Variants in TAF13 observed in about 807,000 individuals in gnomAD.
TAF13 encodes the protein TATA-box binding protein associated factor 13.
A neutral mutation model predicts 18.7 loss-of-function variants in TAF13; 9 were observed. The observed-to-expected ratio is 0.48, with a 90% CI of 0.29 to 0.84. The LOEUF is 0.84. Among genes scored for constraint, TAF13 ranks in the 40% least tolerant of loss-of-function variants. The pLI is 0.08. For missense variants in TAF13, 105 were observed against 146.5 expected (o/e 0.72, Z 1.46); for synonymous variants, 49 against 44.1 (o/e 1.11, Z -0.44).
At chr1:109,073,401 C>T (rs981980784) in intron 2 of TAF13, among the ~76,000 whole-genome samples, 1 of 152,028 alleles carries the variant, frequency 6.6e-6, no homozygotes, top group Non-Finnish European at 1.5e-5. Context: ...GCTCTCCCTC[C>T]CCCTCCCCCT....
At position 109,064,616 on chromosome 1, in the gene TAF13, TG is replaced by T; in HGVS notation, c.281del (p.Pro94GlnfsTer13). On this transcript the variant is annotated frameshift_variant, in exon 4 of 4. Coordinates refer to ENST00000338366, the MANE Select transcript of TAF13 (RefSeq NM_005645.4). LOFTEE classifies it high-confidence loss of function. Reference protein sequence around the residue: ...EDIVFLIRKDPRKFARVKDLL... With the variant: ...EDIVFLIRKDXRKFARVKDLL... ...AGTCTTTAACCCTGGCAAACTTCCT[TG>T]GGTCCTTTCGAATCAAGAAGACGAT... is the stretch of plus-strand genomic sequence containing the variant. 1 of 1,584,570 alleles carries T rather than the reference TG, an allele frequency of 6.3e-7. No homozygotes were observed. Among genetic ancestry groups the T allele is most frequent in the South Asian group, 1.2e-5 (1 of 85,622 alleles).
At chr1:109,067,566 C>T (rs1195773572) in intron 2 of TAF13, among the ~76,000 whole-genome samples, 1 of 151,936 alleles carries the variant, frequency 6.6e-6, no homozygotes, top group African/African-American at 2.4e-5. Flanking sequence ...GCTGAGAATG[C>T]GCCACTGCAC....
In TAF13 at chr1:109,071,854, A is replaced by G. The variant is rs1387728358; in HGVS notation, c.106+3133T>C. Among the ~76,000 whole-genome samples the G allele has an allele frequency of 2.0e-5, 3 of 151,072 alleles. No individual in the cohort carries two copies. The East Asian group carries it at 5.9e-4, about 30-fold the overall frequency. On this transcript the variant is annotated intron_variant, in intron 2 of 3. Transcript: ENST00000338366. ...GTAGTCCCAGCTACTCAGGAGGCTGAAGCAGGAGAGTCGCTTGAGCCCAGG... is the reference window on the plus strand; with the variant it reads ...GTAGTCCCAGCTACTCAGGAGGCTGGAGCAGGAGAGTCGCTTGAGCCCAGG...
At chr1:109,072,635 G>A (rs184370157) in intron 2 of TAF13, among the ~76,000 whole-genome samples, 1 of 151,944 alleles carries the variant, frequency 6.6e-6, no homozygotes, top group Non-Finnish European at 1.5e-5. Flanking sequence ...TGTAGAGAGA[G>A]GGTTTCACTA....
chr1:109,076,000 C>G lies in TAF13; in HGVS notation c.-53G>C. On this transcript the variant is annotated 5_prime_UTR_variant, in exon 1 of 4. Transcript: ENST00000338366. ...CTGCCGGCTGGCTCCCAGCTGGTTA[C>G]ACTACTTCCGCCGCCTCACTTCCGG... 1 of 1,613,846 alleles carries G rather than the reference C, an allele frequency of 6.2e-7. No homozygotes were observed. Among genetic ancestry groups the G allele is most frequent in the Non-Finnish European group, 8.5e-7 (1 of 1,179,848 alleles).
chr1:109,072,312 A>G (rs545226815), intron 2 of TAF13, among the ~76,000 whole-genome samples: 1 of 151,764 alleles, frequency 6.6e-6, no homozygotes, highest in South Asian at 2.1e-4. Context: ...GCTGTGTTCC[A>G]GGGCTTGGCC....
At chr1:109,067,937 A>G (rs1663980121) in intron 2 of TAF13, among the ~76,000 whole-genome samples, 1 of 152,174 alleles carries the variant, frequency 6.6e-6, no homozygotes, top group South Asian at 2.1e-4. Flanking sequence ...TACCCACAAC[A>G]GCATCGCACT....
chr1:109,074,437 TGAGG>T (rs1468683711), intron 2 of TAF13, among the ~76,000 whole-genome samples: 3 of 152,126 alleles, frequency 2.0e-5, no homozygotes, highest in Non-Finnish European at 2.9e-5. Context: ...CACAAAACAC[TGAGG>T]AAGGCCGCAG....
intron 2 of TAF13, among the ~76,000 whole-genome samples, chr1:109,071,942 C>T (rs71514049): frequency 0.043 from 5,843 of 136,772 alleles, 241 homozygotes; most frequent in Middle Eastern, 0.12. Flanking sequence ...CAGTGAGACT[C>T]TGTCTCAAAA....
rs1176113543 is a variant in TAF13 at position 109,064,520 on chromosome 1, G to T, written c.*3C>A. 1.4e-5 allele frequency: 20 copies of T among 1,467,938 alleles called. No homozygotes were observed. The South Asian group carries it at 2.7e-4, about 20-fold the overall frequency. The allele number at this position is 1,467,938 out of a possible 1,614,324, so 90.9% of individuals were successfully genotyped here. On this transcript the variant is annotated 3_prime_UTR_variant, in exon 4 of 4. Transcript: ENST00000338366. ...TGGTAATTTTCGGAAACTACAAAAA[G>T]TGTCAAGATCCATAATTTGCTTCAT...
In TAF13 at chr1:109,072,319, G is replaced by A. The variant is rs188906398; in HGVS notation, c.106+2668C>T. Among the ~76,000 whole-genome samples the A allele has an allele frequency of 1.4e-4, 21 of 151,650 alleles. No individual in the cohort carries two copies. In the East Asian group the frequency reaches 3.7e-3, roughly 27 times the overall value. ...ATTTTCATGCTGTGTTCCAGGGCTT[G>A]GCCTGGATCATCAGTATTAGTAGCA... On this transcript the variant is annotated intron_variant, in intron 2 of 3. Transcript: ENST00000338366.
intron 2 of TAF13, among the ~76,000 whole-genome samples, chr1:109,069,556 T>TATAC (rs1363984915): frequency 6.6e-6 from 1 of 152,022 alleles, no homozygotes; most frequent in African/African-American, 2.4e-5. Context: ...ACCCATGACA[T>TATAC]AGAGAGCCGA....
At chr1:109,072,441 TTTTA>T (rs1380449887) in intron 2 of TAF13, among the ~76,000 whole-genome samples, 17 of 151,904 alleles carry the variant, frequency 1.1e-4, no homozygotes, top group African/African-American at 4.1e-4. Flanking sequence ...TTATTGTTTA[TTTTA>T]TTTGTTTATT....
chr1:109,074,191 A>G lies in TAF13; in HGVS notation c.106+796T>C, dbSNP rs137928600. On this transcript the variant is annotated intron_variant, in intron 2 of 3. Transcript: ENST00000338366. ...TCAGATTGTTACTGTGTCTGTGTAG[A>G]AAGAAGTAGACATAGGAGACTCCAT... Among the ~76,000 whole-genome samples, 62 of 152,362 alleles carry G rather than the reference A, an allele frequency of 4.1e-4. No individual in the cohort carries two copies. The East Asian group carries it at 9.3e-3, about 23-fold the overall frequency.
intron 3 of TAF13, 100 bp downstream of exon 3, chr1:109,066,035 G>C: frequency 1.0e-6 from 1 of 954,920 alleles, no homozygotes. Context: ...CAAATGGATA[G>C]CTTATTTCAA....
Position 109,064,640 on chromosome 1 carries a change from G to A in TAF13, c.258C>T (p.Ile86=), listed in dbSNP as rs780106694. The A allele has an allele frequency of 5.1e-6, 8 of 1,572,040 alleles. No homozygotes were observed. The highest frequency in any genetic ancestry group is 4.7e-5 in the East Asian group (2 of 42,282). ...TTGGGTCCTTTCGAATCAAGAAGAC[G>A]ATATCTTCAACTTGTACTCGACCTT... The part of the protein sequence containing the change: ...GRQGRVQVED[I]VFLIRKDPRK... Residue 86 remains isoleucine (I), a synonymous_variant, in exon 4 of 4, where the codon ATC becomes ATT. Coordinates refer to ENST00000338366, the MANE Select transcript of TAF13 (RefSeq NM_005645.4).
chr1:109,072,769 C>T (rs917864741), intron 2 of TAF13, among the ~76,000 whole-genome samples: 9 of 129,964 alleles, frequency 6.9e-5, no homozygotes, highest in South Asian at 2.6e-4. Context: ...ATGCCTTACA[C>T]GATTCACCAC....
chr1:109,072,644 T>A (rs1571299487), intron 2 of TAF13, among the ~76,000 whole-genome samples: 1 of 151,780 alleles, frequency 6.6e-6, no homozygotes, highest in East Asian at 1.9e-4. Flanking sequence ...AGGGTTTCAC[T>A]ATGTTGCCCA....
At chr1:109,067,195 C>A (rs1039172091) in intron 2 of TAF13, among the ~76,000 whole-genome samples, 1 of 152,124 alleles carries the variant, frequency 6.6e-6, no homozygotes, top group Non-Finnish European at 1.5e-5. Context: ...CAGTGGCCCA[C>A]GCCTGTAAAC....
Sources: gnomAD v4.1 joint callset for allele counts (sites outside exome capture counted in the v4.1 genomes callset) on GRCh38, gnomAD v4.1.1 for gene constraint, MANE v1.5 for transcripts, NCBI Gene and HGNC (gene_info 2026-07-23, HGNC 2026-07-21) for gene names.